Variants in PLCL1 observed in about 807,000 individuals in gnomAD.
PLCL1 encodes phospholipase C like 1 (inactive), also known as inactive phospholipase C-like protein 1.
In PLCL1, 41 loss-of-function variants were observed where a neutral mutation model predicts 84.4. That is an observed-to-expected ratio of 0.49 (90% CI 0.38 to 0.63). The LOEUF (loss-of-function observed/expected upper bound fraction) is 0.63. PLCL1 is among the 30% of genes least tolerant of loss of function. PLCL1 has a pLI of 0.00. For missense variants in PLCL1, 1,206 were observed against 1,367.8 expected (o/e 0.88, Z 1.87); for synonymous variants, 490 against 488.3 (o/e 1.00, Z -0.05).
chr2:198,144,695 G>A (rs1316975721), intron 5 of PLCL1, among the ~76,000 whole-genome samples: 1 of 152,084 alleles, frequency 6.6e-6, no homozygotes, highest in East Asian at 1.9e-4. Context: ...TCCAACCCTC[G>A]TCCCTGCTAG....
At chr2:198,118,246 TCA>T (rs1693790516) in intron 5 of PLCL1, among the ~76,000 whole-genome samples, 1 of 151,934 alleles carries the variant, frequency 6.6e-6, no homozygotes, top group South Asian at 2.1e-4. Flanking sequence ...TGCTACTGAA[TCA>T]CAGTTTTATC....
intron 1 of PLCL1, among the ~76,000 whole-genome samples, chr2:197,958,916 GTAT>G (rs1689548756): frequency 5.0e-5 from 2 of 40,284 alleles, no homozygotes; most frequent in Non-Finnish European, 1.1e-4. Flanking sequence ...GCACTAATCT[GTAT>G]TGCCTCTTAA....
At chr2:197,838,700 G>A (rs1177356293) in intron 1 of PLCL1, among the ~76,000 whole-genome samples, 1 of 152,214 alleles carries the variant, frequency 6.6e-6, no homozygotes, top group East Asian at 1.9e-4. Context: ...AAGAGGGTGA[G>A]TGGCAATGGA....
At chr2:198,123,701 C>T (rs964451442) in intron 5 of PLCL1, among the ~76,000 whole-genome samples, 1 of 152,030 alleles carries the variant, frequency 6.6e-6, no homozygotes, top group Non-Finnish European at 1.5e-5. Flanking sequence ...GGAACCAGAC[C>T]ATGCAGCAAT....
intron 1 of PLCL1, among the ~76,000 whole-genome samples, chr2:197,892,602 C>T (rs921420485): frequency 2.6e-5 from 4 of 152,090 alleles, no homozygotes; most frequent in African/African-American, 7.2e-5. Flanking sequence ...TAGAAGCTGG[C>T]GGTAGACAGA....
At chr2:197,982,633 A>C (rs527661551) in intron 1 of PLCL1, among the ~76,000 whole-genome samples, 4 of 152,216 alleles carry the variant, frequency 2.6e-5, no homozygotes, top group Non-Finnish European at 5.9e-5. Flanking sequence ...TTATGGGTGC[A>C]CTTACATATG....
At chr2:198,091,200 T>C (rs1693022403) in intron 3 of PLCL1, among the ~76,000 whole-genome samples, 1 of 152,164 alleles carries the variant, frequency 6.6e-6, no homozygotes, top group Admixed American at 6.5e-5. Flanking sequence ...CTGTTGAGTA[T>C]TTATTTGGGG....
intron 1 of PLCL1, among the ~76,000 whole-genome samples, chr2:197,977,874 C>T (rs541599060): frequency 6.6e-6 from 1 of 152,272 alleles, no homozygotes; most frequent in East Asian, 1.9e-4. Flanking sequence ...TTTTACTGCT[C>T]CCCAGATTTT....
At chr2:197,932,522 C>G (rs576592816) in intron 1 of PLCL1, among the ~76,000 whole-genome samples, 4 of 152,038 alleles carry the variant, frequency 2.6e-5, no homozygotes, top group Non-Finnish European at 5.9e-5. Flanking sequence ...CGTCCCCCTA[C>G]CCCCCAAACC....
At chr2:198,039,506 T>A (rs1691612871) in intron 1 of PLCL1, among the ~76,000 whole-genome samples, 1 of 152,194 alleles carries the variant, frequency 6.6e-6, no homozygotes, top group Non-Finnish European at 1.5e-5. Context: ...TACCCATGTG[T>A]ATACTGTGTT....
At chr2:198,098,245 G>A (rs1464315475) in intron 3 of PLCL1, among the ~76,000 whole-genome samples, 1 of 152,134 alleles carries the variant, frequency 6.6e-6, no homozygotes, top group African/African-American at 2.4e-5. Context: ...TCAAGCAATA[G>A]CTTCTCCAAA....
intron 1 of PLCL1, among the ~76,000 whole-genome samples, chr2:198,047,541 G>C (rs1691836270): frequency 6.6e-6 from 1 of 152,098 alleles, no homozygotes; most frequent in Admixed American, 6.6e-5. Context: ...CACCACAACT[G>C]TTTCTGAAGA....
chr2:197,944,797 C>T lies in PLCL1; in HGVS notation c.241-138961C>T, dbSNP rs368331426. ...TTAAACATTTCCAGGGACAAATCAG[C>T]TTGCTTCTTGTAGTCACTGGCTTGA... On this transcript the variant is annotated intron_variant, in intron 1 of 5. Coordinates refer to ENST00000428675, the MANE Select transcript of PLCL1 (RefSeq NM_006226.4). Among the ~76,000 whole-genome samples the T allele has an allele frequency of 1.9e-4, 29 of 152,310 alleles. No homozygotes were observed. In the East Asian group the frequency reaches 5.2e-3, roughly 27 times the overall value.
At chr2:197,898,479 T>A (rs971683133) in intron 1 of PLCL1, among the ~76,000 whole-genome samples, 6 of 152,126 alleles carry the variant, frequency 3.9e-5, no homozygotes, top group South Asian at 4.1e-4. Context: ...ACCCCAAAGA[T>A]GCTTAATGTG....
chr2:197,873,071 T>C (rs901596838), intron 1 of PLCL1, among the ~76,000 whole-genome samples: 2 of 152,168 alleles, frequency 1.3e-5, no homozygotes, highest in African/African-American at 4.8e-5. Flanking sequence ...CACTATGTTA[T>C]AGTCACTCCA....
intron 1 of PLCL1, among the ~76,000 whole-genome samples, chr2:197,858,006 C>T (rs2105689912): frequency 6.6e-6 from 1 of 152,248 alleles, no homozygotes; most frequent in East Asian, 1.9e-4. Flanking sequence ...CTTACTCCTA[C>T]ATCATGGGGC....
intron 5 of PLCL1, among the ~76,000 whole-genome samples, chr2:198,107,354 A>T (rs1046723161): frequency 3.3e-5 from 5 of 151,886 alleles, no homozygotes; most frequent in Non-Finnish European, 7.4e-5. Context: ...GGTCCAAACC[A>T]TATCAGTCCC....
intron 1 of PLCL1, among the ~76,000 whole-genome samples, chr2:197,981,768 A>C (rs926493724): frequency 1.4e-4 from 22 of 152,294 alleles, no homozygotes; most frequent in African/African-American, 5.3e-4. Flanking sequence ...AGACGTCTCA[A>C]ACTAGGCATG....
rs375200078 is a variant in PLCL1 at position 197,889,435 on chromosome 2, C to CA, written c.240+84105dup. On this transcript the variant is annotated intron_variant, in intron 1 of 5. Transcript: ENST00000428675. ...AGATATGATTTTGAGCTGCTTTAACCAAAAAAAAACAGGCTTTAAAAGCTC... is the reference window on the plus strand; with the variant it reads ...AGATATGATTTTGAGCTGCTTTAACCAAAAAAAAAACAGGCTTTAAAAGCTC... Among the ~76,000 whole-genome samples the CA allele has an allele frequency of 7.0e-3, 1,045 of 149,114 alleles. 4 individuals are homozygous for CA. The highest frequency in any genetic ancestry group is 0.011 in the Non-Finnish European group (724 of 67,164).
Sources: gnomAD v4.1 joint callset for allele counts (sites outside exome capture counted in the v4.1 genomes callset) on GRCh38, gnomAD v4.1.1 for gene constraint, MANE v1.5 for transcripts, NCBI Gene and HGNC (gene_info 2026-07-23, HGNC 2026-07-21) for gene names.